The following GABRR3 variants were observed in gnomAD, a reference collection of about 807,000 sequenced individuals.
GABRR3 encodes gamma-aminobutyric acid type A receptor subunit rho3.
GABRR3 carries 29 observed loss-of-function variants against 43.2 expected under a neutral mutation model. The observed-to-expected ratio is 0.67, with a 90% CI of 0.50 to 0.92. The LOEUF (loss-of-function observed/expected upper bound fraction) is 0.92. Ranked by LOEUF, GABRR3 falls within the 40% of genes least tolerant of loss-of-function variation. GABRR3 has a pLI of 0.00. For missense variants in GABRR3, 576 were observed against 572.3 expected, an observed-to-expected ratio of 1.01 and a Z score of -0.07; for synonymous variants, 206 against 195.9, an observed-to-expected ratio of 1.05 and a Z score of -0.43.
At chr3:98,025,652 A>G (rs978563978) in exon 3 of GABRR3, 4 of 1,611,858 alleles carry the variant, frequency 2.5e-6, no homozygotes, top group East Asian at 4.5e-5. Context: ...TGGTACTGTC[A>G]TCTTTCTTCA....
At chr3:98,019,723 T>G (rs1706914460) in intron 3 of GABRR3, among the ~76,000 whole-genome samples, 1 of 152,078 alleles carries the variant, frequency 6.6e-6, no homozygotes, top group South Asian at 2.1e-4. Flanking sequence ...GTAGCTGGGA[T>G]TAGAGGCATG....
intron 4 of GABRR3, among the ~76,000 whole-genome samples, chr3:98,017,059 T>C (rs186378452): frequency 2.2e-4 from 33 of 152,158 alleles, no homozygotes; most frequent in Admixed American, 3.9e-4. Flanking sequence ...TTTCATAGAG[T>C]GAATAATACT....
intron 5 of GABRR3, 50 bp from the exon 6 acceptor site, chr3:98,009,088 C>G: frequency 8.4e-7 from 1 of 1,189,966 alleles, no homozygotes; most frequent in Admixed American, 2.0e-5. Flanking sequence ...AACCATCTGG[C>G]CAAATGAGCA....
At chr3:98,012,432 GGACAAAAAA>G (rs1189568182) in exon 5 of GABRR3, 1 of 1,613,660 alleles carries the variant, frequency 6.2e-7, no homozygotes, top group Non-Finnish European at 8.5e-7. Context: ...CTTTTAGAGT[GGACAAAAAA>G]GATATCAGGC....
intron 2 of GABRR3, among the ~76,000 whole-genome samples, chr3:98,031,822 A>G (rs563896746): frequency 2.6e-5 from 4 of 152,246 alleles, no homozygotes; most frequent in Admixed American, 2.6e-4. Flanking sequence ...CCCTCAGAGG[A>G]GCATATACCT....
At chr3:98,012,019 C>A (rs1170189486) in intron 5 of GABRR3, among the ~76,000 whole-genome samples, 1 of 139,598 alleles carries the variant, frequency 7.2e-6, no homozygotes, top group Non-Finnish European at 1.7e-5. Context: ...TGGTGGGGTG[C>A]CAGGGTGGGG....
At chr3:98,020,457 C>CAA (rs745684367) in intron 3 of GABRR3, among the ~76,000 whole-genome samples, 5,669 of 100,510 alleles carry the variant, frequency 0.056, 332 homozygotes, top group African/African-American at 0.15. Flanking sequence ...GTCCAATCTT[C>CAA]AAAAAAAAAA....
exon 7 of GABRR3, chr3:98,007,895 T>C (rs1027913033): frequency 1.3e-6 from 2 of 1,570,804 alleles, no homozygotes; most frequent in Admixed American, 1.9e-5. Flanking sequence ...GTCATCCTCA[T>C]TGTAGGCATC....
chr3:98,003,545 C>T (rs1706682538), intron 7 of GABRR3, among the ~76,000 whole-genome samples: 1 of 151,388 alleles, frequency 6.6e-6, no homozygotes, highest in Non-Finnish European at 1.5e-5. Context: ...GAGTCCATTT[C>T]CCTATCAGGA....
chr3:98,018,678 T>C (rs1210773237), intron 3 of GABRR3, among the ~76,000 whole-genome samples: 1 of 152,214 alleles, frequency 6.6e-6, no homozygotes, highest in African/African-American at 2.4e-5. Context: ...GTCTTTTATA[T>C]GTTCTCTTTC....
chr3:98,031,813 C>T (rs1432885387), intron 2 of GABRR3, among the ~76,000 whole-genome samples: 1 of 152,064 alleles, frequency 6.6e-6, no homozygotes, highest in Non-Finnish European at 1.5e-5. Context: ...AGCCAGTTTC[C>T]CTCAGAGGAG....
chr3:98,025,718 A>G (rs368305793), intron 2 of GABRR3, 39 bp from the exon 3 acceptor site: 2 of 1,332,118 alleles, frequency 1.5e-6, no homozygotes, highest in Non-Finnish European at 1.1e-6. Flanking sequence ...TCTGAGATAC[A>G]TATGCTTCTG....
chr3:98,002,725 T>C (rs1706667298), intron 7 of GABRR3, among the ~76,000 whole-genome samples: 2 of 152,166 alleles, frequency 1.3e-5, no homozygotes, highest in Admixed American at 6.5e-5. Flanking sequence ...TAGCAAGATT[T>C]TTTTTCTATG....
intron 9 of GABRR3, among the ~76,000 whole-genome samples, chr3:97,991,149 C>T (rs1706461316): frequency 6.6e-6 from 1 of 152,060 alleles, no homozygotes; most frequent in African/African-American, 2.4e-5. Context: ...TGGAGGTGAG[C>T]CAAAAGTACT....
At chr3:98,001,321 A>C in intron 8 of GABRR3, 1 of 329,360 alleles carries the variant, frequency 3.0e-6, no homozygotes, top group Non-Finnish European at 5.6e-6. Flanking sequence ...AAAAGAGATA[A>C]GCTTTAAAAG....
At chr3:98,025,522 C>G in intron 3 of GABRR3, 45 bp downstream of exon 3, 1 of 1,259,140 alleles carries the variant, frequency 7.9e-7, no homozygotes, top group Non-Finnish European at 1.1e-6. Context: ...TCCATTTTGA[C>G]AGTGCAATGG....
chr3:98,030,419 G>A (rs191713737), intron 2 of GABRR3, among the ~76,000 whole-genome samples: 4 of 152,264 alleles, frequency 2.6e-5, no homozygotes, highest in Admixed American at 2.6e-4. Flanking sequence ...CCATTATGGT[G>A]TCTATGAAGC....
exon 2 of GABRR3, chr3:98,034,932 G>T (rs1328254689): frequency 6.2e-7 from 1 of 1,613,064 alleles, no homozygotes; most frequent in South Asian, 1.1e-5. Flanking sequence ...ACAAACATTT[G>T]GTTTCAATAT....
intron 2 of GABRR3, among the ~76,000 whole-genome samples, chr3:98,028,105 T>C (rs1270037338): frequency 2.0e-5 from 3 of 152,124 alleles, no homozygotes; most frequent in Admixed American, 1.3e-4. Flanking sequence ...TTGATACTTA[T>C]TAAAATTAAG....
Sources: allele counts gnomAD v4.1 joint callset (sites outside exome capture counted in the v4.1 genomes callset), GRCh38; gene constraint gnomAD v4.1.1; transcripts MANE v1.5; gene names NCBI Gene and HGNC (gene_info 2026-07-23, HGNC 2026-07-21).